The following CASZ1 variants were observed in gnomAD, a reference collection of about 807,000 sequenced individuals.
CASZ1 encodes castor zinc finger 1.
Under a neutral mutation model 135.2 loss-of-function variants are expected in CASZ1, and 28 were observed. The observed-to-expected ratio is 0.21, with a 90% CI of 0.15 to 0.28. The LOEUF (loss-of-function observed/expected upper bound fraction) is 0.28, where lower values mean the gene tolerates loss of function less well. Ranked by LOEUF, CASZ1 falls within the 10% of genes least tolerant of loss-of-function variation. The probability of loss-of-function intolerance (pLI) is 1.00; values close to 1 mark genes in which losing one functional copy is unlikely to be tolerated. For synonymous variants in CASZ1, 1,068 were observed against 1,073.4 expected, an observed-to-expected ratio of 0.99 and a Z score of 0.10; for missense variants, 2,161 against 2,453.3, an observed-to-expected ratio of 0.88 and a Z score of 2.52.
intron 4 of CASZ1, among the ~76,000 whole-genome samples, chr1:10,690,964 T>C (rs1638747064): frequency 6.6e-6 from 1 of 152,106 alleles, no homozygotes; most frequent in Non-Finnish European, 1.5e-5. Context: ...GCAGGATGGA[T>C]GTACCTGTGT....
Position 10,751,590 on chromosome 1 carries a change from G to A in CASZ1, c.-77+9111C>T, listed in dbSNP as rs184987035. Among the ~76,000 whole-genome samples the A allele has an allele frequency of 1.1e-3, 165 of 152,346 alleles. 1 individual carries two copies. Among genetic ancestry groups the A allele is most frequent in the African/African-American group, 3.9e-3 (163 of 41,570 alleles). On this transcript the variant is annotated intron_variant, in intron 2 of 20. Coordinates refer to ENST00000377022, the MANE Select transcript of CASZ1 (RefSeq NM_001079843.3). ...TATAAATACCCACGCTAATGATGTT[G>A]GTCAGAGGCAACACGGGCAGGAGCT...
intron 1 of CASZ1, among the ~76,000 whole-genome samples, chr1:10,785,373 CTGGAGTTCGTCA>C (rs2100621561): frequency 6.6e-6 from 1 of 151,970 alleles, no homozygotes; most frequent in African/African-American, 2.4e-5. Flanking sequence ...AGCACGTGGC[CTGGAGTTCGTCA>C]TGGAAATTAA....
chr1:10,770,622 C>T (rs1640559133), intron 1 of CASZ1, among the ~76,000 whole-genome samples: 1 of 152,114 alleles, frequency 6.6e-6, no homozygotes, highest in South Asian at 2.1e-4. Flanking sequence ...CTCCCACTGC[C>T]CAGATGCCCT....
Position 10,707,213 on chromosome 1 carries a change from C to T in CASZ1, c.-76-1669G>A, listed in dbSNP as rs1639195767. Among the ~76,000 whole-genome samples the T allele has an allele frequency of 6.6e-6, 1 of 152,142 alleles. No individual in the cohort carries two copies. Among genetic ancestry groups the T allele is most frequent in the Non-Finnish European group, 1.5e-5 (1 of 68,022 alleles). ...CCCAACTCCACAACTCTGGTATCTC[C>T]CTTCCACCACCTTTCTCTCCCCTCC... On this transcript the variant is annotated intron_variant, in intron 2 of 20. Transcript: ENST00000377022. This position sits in a 1 kb window ranked among gnomAD's most constrained non-coding sequence, Gnocchi z 5.0.
intron 3 of CASZ1, among the ~76,000 whole-genome samples, chr1:10,695,604 C>T (rs1180310819): frequency 1.5e-5 from 2 of 136,766 alleles, no homozygotes; most frequent in African/African-American, 5.3e-5. Context: ...CGCCCCACGC[C>T]GTCTCCAGGC....
intron 2 of CASZ1, among the ~76,000 whole-genome samples, chr1:10,738,953 G>A (rs1472157338): frequency 2.1e-5 from 2 of 93,298 alleles, no homozygotes; most frequent in African/African-American, 4.5e-5. Context: ...TTCACTTTTC[G>A]CTAAAGTCAC....
In CASZ1 at chr1:10,742,000, G is replaced by C. The variant is rs2100533647; in HGVS notation, c.-77+18701C>G. ...CCTCACCGCTTCTCACGTGCCCCCA[G>C]CCGCAACCCCACCACGGCTGCTCGG... On this transcript the variant is annotated intron_variant, in intron 2 of 20. Transcript: ENST00000377022. This position sits in a 1 kb window ranked among gnomAD's most constrained non-coding sequence, Gnocchi z 5.0. 6.6e-6 allele frequency among the ~76,000 whole-genome samples: 1 copy of C among 152,132 alleles called. No individual in the cohort carries two copies. The highest frequency in any genetic ancestry group is 1.9e-4 in the East Asian group (1 of 5,178).
chr1:10,715,225 G>A (rs567520848), intron 2 of CASZ1, among the ~76,000 whole-genome samples: 2 of 152,302 alleles, frequency 1.3e-5, no homozygotes, highest in South Asian at 4.1e-4. Flanking sequence ...GTGGGCCTTG[G>A]CAAGCTTTGG....
chr1:10,653,886 T>G lies in CASZ1; in HGVS notation c.2171A>C (p.Asp724Ala). 4 of 1,613,264 alleles carry G rather than the reference T, an allele frequency of 2.5e-6. No individual in the cohort carries two copies. The highest frequency in any genetic ancestry group is 3.4e-6 in the Non-Finnish European group (4 of 1,179,586). Residue 724 changes from aspartate to alanine, a missense_variant, in exon 11 of 21, where the codon GAC becomes GCC. This residue lies in a region of CASZ1 where 406 missense variants were observed against 387.6 expected (regional missense o/e 1.05). Coordinates refer to ENST00000377022, the MANE Select transcript of CASZ1 (RefSeq NM_001079843.3). ...DTEHEESSND[D>A]LVDFSALSSK... ...GCTCAGGGCGGAGAAGTCAACAAGG[T>G]CGTCGTTGCTGGACTCCTCGTGCTC...
Position 10,666,521 on chromosome 1 carries a change from T to C in CASZ1, c.17-950A>G, listed in dbSNP as rs569425718. 6.6e-6 allele frequency among the ~76,000 whole-genome samples: 1 copy of C among 151,984 alleles called. No homozygotes were observed. Among genetic ancestry groups the C allele is most frequent in the Non-Finnish European group, 1.5e-5 (1 of 68,022 alleles). ...AGCCCACTTCCCAGCCCCCAGGAGC[T>C]CCAGCAGGTGCAGGGTGGGATCGCT... On this transcript the variant is annotated intron_variant, in intron 4 of 20. Transcript: ENST00000377022. This position sits in a 1 kb window ranked among gnomAD's most constrained non-coding sequence, Gnocchi z 5.2.
rs947643819 is a variant in CASZ1 at position 10,794,835 on chromosome 1, G to A, written c.-234+1729C>T. Among the ~76,000 whole-genome samples, 1 of 151,972 alleles carries A rather than the reference G, an allele frequency of 6.6e-6. No homozygotes were observed. Among genetic ancestry groups the A allele is most frequent in the Non-Finnish European group, 1.5e-5 (1 of 67,958 alleles). The stretch of plus-strand genomic sequence containing the variant: ...TGTTCCCTTCGCGGAGGAGCTTCCA[G>A]CGCCGGGGACAGACATTCGCCCAAA... On this transcript the variant is annotated intron_variant, in intron 1 of 20. Transcript: ENST00000377022. This position sits in a 1 kb window ranked among gnomAD's most constrained non-coding sequence, Gnocchi z 5.6.
At chr1:10,765,001 T>C (rs1445189385) in intron 1 of CASZ1, among the ~76,000 whole-genome samples, 1 of 152,172 alleles carries the variant, frequency 6.6e-6, no homozygotes, top group African/African-American at 2.4e-5. Context: ...ACAGGACAAC[T>C]TCCATTTCTT....
In CASZ1 at chr1:10,638,504, T is replaced by TGGGG. The variant is rs1353401080; in HGVS notation, c.*437_*438insCCCC. ...GGCAGGGGGGAGGATCCTAGCTGCA[T>TGGGG]GAGGGAGGCCCCGCCAGCGGCTCCA... On this transcript the variant is annotated 3_prime_UTR_variant, in exon 21 of 21. Coordinates refer to ENST00000377022, the MANE Select transcript of CASZ1 (RefSeq NM_001079843.3). The surrounding 1 kb of genome is among the most constrained non-coding windows in gnomAD (Gnocchi z 5.9). The TGGGG allele has an allele frequency of 2.0e-5, 3 of 151,586 alleles. No individual in the cohort carries two copies. The highest frequency in any genetic ancestry group is 4.4e-5 in the Non-Finnish European group (3 of 67,918). 9.4% of individuals were successfully genotyped at this position (151,586 alleles called of 1,614,324 possible).
intron 1 of CASZ1, among the ~76,000 whole-genome samples, chr1:10,787,023 T>C (rs1640871573): frequency 1.3e-5 from 2 of 152,218 alleles, no homozygotes; most frequent in South Asian, 4.1e-4. Context: ...TGGGGACACC[T>C]TGCACTTGAC....
intron 1 of CASZ1, among the ~76,000 whole-genome samples, chr1:10,761,346 T>A (rs1640370872): frequency 6.6e-6 from 1 of 152,220 alleles, no homozygotes. Flanking sequence ...GACCCCTGGG[T>A]GGCCTTCTGG....
At chr1:10,659,476 G>A (rs529867308) in intron 6 of CASZ1, among the ~76,000 whole-genome samples, 5 of 152,346 alleles carry the variant, frequency 3.3e-5, no homozygotes, top group South Asian at 2.1e-4. Flanking sequence ...GAGGGCTCAC[G>A]CATGGTTCTG....
At chr1:10,649,563 G>T (rs994611851) in intron 13 of CASZ1, 126 bp from the exon 14 acceptor site, 4 of 1,100,796 alleles carry the variant, frequency 3.6e-6, no homozygotes, top group Non-Finnish European at 5.1e-6. Context: ...AGCAGAGAAT[G>T]CGGCCCGCCT....
intron 4 of CASZ1, among the ~76,000 whole-genome samples, chr1:10,681,121 G>A (rs60977099): frequency 6.6e-6 from 1 of 151,984 alleles, no homozygotes; most frequent in East Asian, 1.9e-4. Context: ...GGCTGGTTTC[G>A]AACTTCCAGC....
chr1:10,771,155 C>A (rs546884867), intron 1 of CASZ1, among the ~76,000 whole-genome samples: 5 of 152,156 alleles, frequency 3.3e-5, no homozygotes, highest in Admixed American at 2.0e-4. Flanking sequence ...TTCTCCATAG[C>A]GCCAAGCTGG....
Sources: gnomAD v4.1 joint callset for allele counts (sites outside exome capture counted in the v4.1 genomes callset) on GRCh38, gnomAD v4.1.1 for gene constraint, gnomAD v4.1.1 regional missense constraint, Gnocchi (gnomAD v3.1) non-coding constraint, MANE v1.5 for transcripts, NCBI Gene and HGNC (gene_info 2026-07-23, HGNC 2026-07-21) for gene names.